Variants in WNK2 observed in about 807,000 individuals in gnomAD.
WNK2 encodes the protein WNK lysine deficient protein kinase 2.
Under a neutral mutation model 192.1 loss-of-function variants are expected in WNK2, and 67 were observed. That is an observed-to-expected ratio of 0.35 (90% CI 0.29 to 0.43). The LOEUF is 0.43. Among genes scored for constraint, WNK2 ranks in the 20% least tolerant of loss-of-function variants. WNK2 has a pLI of 1.00. For synonymous variants in WNK2, 1,439 were observed against 1,393.9 expected (o/e 1.03, Z -0.72); for missense variants, 2,698 against 3,089.7 (o/e 0.87, Z 3.01).
chr9:93,301,567 G>A (rs1426937936), intron 26 of WNK2, among the ~76,000 whole-genome samples: 2 of 152,182 alleles, frequency 1.3e-5, no homozygotes, highest in Non-Finnish European at 2.9e-5. Context: ...TTGAATCTGG[G>A]GAGGAGTGGG....
chr9:93,317,922 A>G, intron 29 of WNK2: 1 of 1,600,156 alleles, frequency 6.2e-7, no homozygotes, highest in South Asian at 1.1e-5. Context: ...TTGGCCTCCG[A>G]GTCCCCCCCA....
At chr9:93,310,449 ATATAT>A (rs1160966279) in intron 28 of WNK2, among the ~76,000 whole-genome samples, 5 of 139,880 alleles carry the variant, frequency 3.6e-5, no homozygotes, top group Non-Finnish European at 6.3e-5. Flanking sequence ...TGGCAAAAAA[ATATAT>A]ATATATATAT....
In WNK2 at chr9:93,202,274, C is replaced by T. The variant is rs112134617; in HGVS notation, c.681+16664C>T. ...TGACCCCAAGCTCCCAGCCCTGCTGCGTGTGGGGACCTGGTATGCTTCTCA... is the reference window on the plus strand; with the variant it reads ...TGACCCCAAGCTCCCAGCCCTGCTGTGTGTGGGGACCTGGTATGCTTCTCA... On this transcript the variant is annotated intron_variant, in intron 2 of 29. Coordinates refer to ENST00000427277, the MANE Select transcript of WNK2 (RefSeq NM_006648.4). Among the ~76,000 whole-genome samples, 467 of 151,504 alleles carry T rather than the reference C, an allele frequency of 3.1e-3. 2 individuals carry two copies. The highest frequency in any genetic ancestry group is 0.011 in the African/African-American group (434 of 41,284).
At chr9:93,196,406 A>G (rs1831290303) in intron 2 of WNK2, among the ~76,000 whole-genome samples, 1 of 152,178 alleles carries the variant, frequency 6.6e-6, no homozygotes, top group African/African-American at 2.4e-5. Flanking sequence ...GTGGCTCAGC[A>G]ACATCAGCTG....
At chr9:93,271,210 C>T (rs1003345657) in intron 19 of WNK2, among the ~76,000 whole-genome samples, 1 of 152,162 alleles carries the variant, frequency 6.6e-6, no homozygotes, top group Non-Finnish European at 1.5e-5. Flanking sequence ...GACATGTAAC[C>T]ACAGCCCATA....
chr9:93,212,285 A>T (rs1247276796), intron 2 of WNK2, among the ~76,000 whole-genome samples: 4 of 152,232 alleles, frequency 2.6e-5, no homozygotes, highest in African/African-American at 9.6e-5. Flanking sequence ...TGTTGGGATA[A>T]GGATAGGTTA....
chr9:93,289,208 A>G lies in WNK2; in HGVS notation c.4454A>G (p.His1485Arg), dbSNP rs577622915. 36 of 1,603,588 alleles carry G rather than the reference A, an allele frequency of 2.2e-5. No individual in the cohort carries two copies. The highest frequency in any genetic ancestry group is 3.1e-5 in the Non-Finnish European group (36 of 1,177,738). Residue 1485 changes from histidine (H) to arginine (R), a missense_variant, in exon 20 of 30, where the codon CAC becomes CGC. Around this residue, in one of 7 missense-constraint regions of WNK2, gnomAD observed 1,098 missense variants for 1,101.0 expected, o/e 1.00. Transcript: ENST00000427277. ...LPPPAPEPSP[H>R]SGTPQPALGQ... The stretch of plus-strand genomic sequence containing the variant: ...CCTCCTGCACCTGAGCCCAGCCCCC[A>G]CAGCGGGACCCCACAGCCCGCCTTG...
chr9:93,320,044 A>T (rs1286826434), intron 29 of WNK2, among the ~76,000 whole-genome samples: 1 of 152,162 alleles, frequency 6.6e-6, no homozygotes, highest in African/African-American at 2.4e-5. Flanking sequence ...GGGAGGAGGA[A>T]CACTCATCCC....
At chr9:93,213,748 C>T (rs1835202207) in intron 2 of WNK2, among the ~76,000 whole-genome samples, 1 of 152,224 alleles carries the variant, frequency 6.6e-6, no homozygotes, top group Non-Finnish European at 1.5e-5. Context: ...GAGATCACAC[C>T]ATTGCACTCC....
Position 93,268,863 on chromosome 9 carries a change from C to T in WNK2, c.4033+117C>T, listed in dbSNP as rs890474921. The T allele has an allele frequency of 4.4e-6, 7 of 1,573,830 alleles. No homozygotes were observed. The East Asian group carries it at 7.1e-5, about 16-fold the overall frequency. On this transcript the variant is annotated intron_variant, in intron 19 of 29. Coordinates refer to ENST00000427277, the MANE Select transcript of WNK2 (RefSeq NM_006648.4). ...AGGTCCATGCAGGGGGCTCACCCTG[C>T]CCTGTCTCCCATGGCGCAGAGCAGC... is the stretch of plus-strand genomic sequence containing the variant.
At chr9:93,311,123 C>T (rs1853574028) in intron 28 of WNK2, among the ~76,000 whole-genome samples, 2 of 152,344 alleles carry the variant, frequency 1.3e-5, no homozygotes, top group East Asian at 3.9e-4. Context: ...CTGACTTTGA[C>T]TCCTCTATGT....
intron 2 of WNK2, among the ~76,000 whole-genome samples, chr9:93,211,177 TC>T (rs1834494452): frequency 3.4e-4 from 2 of 5,894 alleles, no homozygotes; most frequent in African/African-American, 6.0e-4. Flanking sequence ...CACTCATACA[TC>T]CACTCATTCA....
intron 11 of WNK2, among the ~76,000 whole-genome samples, chr9:93,258,465 A>C (rs367847328): frequency 2.0e-5 from 3 of 152,152 alleles, no homozygotes; most frequent in African/African-American, 7.2e-5. Flanking sequence ...GTGATTTCAG[A>C]TGCTCAGGGC....
chr9:93,234,695 G>A (rs1421293516), intron 4 of WNK2, 113 bp from the exon 5 acceptor site: 2 of 1,262,432 alleles, frequency 1.6e-6, no homozygotes, highest in Non-Finnish European at 2.2e-6. Context: ...AGTGTGCCAT[G>A]GGATGTGGAG....
Position 93,259,720 on chromosome 9 carries a change from G to A in WNK2, c.3066+106G>A. ...CAGGCAAGGAGGCAGCCCTGCCTGG[G>A]GTCGCCCCTCTCAGGAAGAGATGTG... On this transcript the variant is annotated intron_variant, in intron 12 of 29. Transcript: ENST00000427277. The surrounding 1 kb of genome is among the most constrained non-coding windows in gnomAD (Gnocchi z 4.8). 8.8e-7 allele frequency: 1 copy of A among 1,131,598 alleles called. No homozygotes were observed. Among genetic ancestry groups the A allele is most frequent in the East Asian group, 2.6e-5 (1 of 38,330 alleles). 70.1% of individuals were successfully genotyped at this position (1,131,598 alleles called of 1,614,324 possible).
intron 14 of WNK2, chr9:93,263,289 G>A (rs1844590469): frequency 1.9e-6 from 1 of 526,774 alleles, no homozygotes; most frequent in Non-Finnish European, 3.4e-6. Context: ...GAGGCACAGG[G>A]GCTGATTCGC....
In WNK2 at chr9:93,298,678, G is replaced by A. The variant is rs1051665040; in HGVS notation, c.5924-392G>A. Reference sequence around the variant, plus strand: ...TGAGCCCAAGTCCCCAAGCATGCCAGGCAAGCCACCATAAGCTCACTATAA... The same window carrying A: ...TGAGCCCAAGTCCCCAAGCATGCCAAGCAAGCCACCATAAGCTCACTATAA... On this transcript the variant is annotated intron_variant, in intron 24 of 29. Coordinates refer to ENST00000427277, the MANE Select transcript of WNK2 (RefSeq NM_006648.4). 3.3e-5 allele frequency among the ~76,000 whole-genome samples: 5 copies of A among 152,182 alleles called. 1 individual carries two copies.
At chr9:93,193,417 C>T (rs969487931) in intron 2 of WNK2, among the ~76,000 whole-genome samples, 2 of 152,202 alleles carry the variant, frequency 1.3e-5, no homozygotes, top group African/African-American at 2.4e-5. Flanking sequence ...CTTGCTCCCC[C>T]TGCAAAATAA....
rs545696504 is a variant in WNK2 at position 93,202,598 on chromosome 9, A to T, written c.681+16988A>T. On this transcript the variant is annotated intron_variant, in intron 2 of 29. Coordinates refer to ENST00000427277, the MANE Select transcript of WNK2 (RefSeq NM_006648.4). Reference sequence around the variant, plus strand: ...GCACGGCTGATGGCCTTTCCACAAAAGGGTTCCGCTGTGTTTTCTCTTTGG... The same window carrying T: ...GCACGGCTGATGGCCTTTCCACAAATGGGTTCCGCTGTGTTTTCTCTTTGG... Among the ~76,000 whole-genome samples the T allele has an allele frequency of 1.0e-4, 15 of 143,292 alleles. No homozygotes were observed. The South Asian group carries it at 3.2e-3, about 31-fold the overall frequency. The allele number at this position is 143,292 out of a possible 152,430, so 94.0% of individuals were successfully genotyped here. A position where few individuals can be genotyped will look rare whatever the true frequency, so the allele number is the denominator to read the frequency against.
Sources: gnomAD v4.1 joint callset for allele counts (sites outside exome capture counted in the v4.1 genomes callset) on GRCh38, gnomAD v4.1.1 for gene constraint, gnomAD v4.1.1 regional missense constraint, Gnocchi (gnomAD v3.1) non-coding constraint, MANE v1.5 for transcripts, NCBI Gene and HGNC (gene_info 2026-07-23, HGNC 2026-07-21) for gene names.